GIT2: variants seen among roughly 807,000 people sequenced by gnomAD.
GIT2 encodes GIT ArfGAP 2, also known as ARF GTPase-activating protein GIT2.
GIT2 carries 32 observed loss-of-function variants against 100.3 expected under a neutral mutation model. The ratio of observed to expected loss-of-function variants is 0.32; its 90% confidence interval spans 0.24 to 0.43. The LOEUF is 0.43. Among genes scored for constraint, GIT2 ranks in the 20% least tolerant of loss-of-function variants. GIT2 has a pLI of 1.00. For synonymous variants in GIT2, 353 were observed against 364.1 expected (o/e 0.97, Z 0.35); for missense variants, 737 against 975.1 (o/e 0.76, Z 3.25).
chr12:109,970,528 A>G (rs1480686680), intron 7 of GIT2, among the ~76,000 whole-genome samples: 1 of 152,076 alleles, frequency 6.6e-6, no homozygotes. Flanking sequence ...ACAAAAAACT[A>G]TCCTTCCTCC....
At chr12:109,991,484 A>G (rs760921198) in intron 2 of GIT2, 143 bp downstream of exon 2, 3 of 649,510 alleles carry the variant, frequency 4.6e-6, no homozygotes, top group Non-Finnish European at 5.5e-6. Flanking sequence ...ATTTGTAAAT[A>G]GCATTGATGG....
intron 6 of GIT2, chr12:109,981,916 A>G (rs1418547738): frequency 6.6e-6 from 1 of 152,194 alleles, no homozygotes; most frequent in Non-Finnish European, 1.5e-5. Context: ...TCTCCCCACC[A>G]TTCAAGGCAC....
intron 10 of GIT2, 60 bp downstream of exon 10, chr12:109,961,553 G>C: frequency 8.9e-7 from 1 of 1,129,074 alleles, no homozygotes; most frequent in South Asian, 1.2e-5. Flanking sequence ...CACTGAGCCT[G>C]GCAGCTTTTC....
In GIT2 at chr12:109,961,890, TTA is replaced by T. The variant is rs1435046217; in HGVS notation, c.817-207_817-206del. 3.3e-5 allele frequency among the ~76,000 whole-genome samples: 5 copies of T among 152,280 alleles called. No homozygotes were observed. The East Asian group carries it at 9.6e-4, about 29-fold the overall frequency. On this transcript the variant is annotated intron_variant, in intron 9 of 19. Coordinates refer to ENST00000355312, the MANE Select transcript of GIT2 (RefSeq NM_057169.5). ...TGCCAACCACAGCAATTTCACTACT[TTA>T]TGACACAGACAGAGCTGCTGCTATT...
chr12:109,993,134 A>C (rs558225169), intron 1 of GIT2, among the ~76,000 whole-genome samples: 2 of 152,148 alleles, frequency 1.3e-5, no homozygotes, highest in Non-Finnish European at 2.9e-5. Context: ...AAAGTCATAG[A>C]GCTTCATTAG....
chr12:109,999,868 C>A (rs572232492), upstream of GIT2: 21 of 1,252,308 alleles, frequency 1.7e-5, no homozygotes, highest in South Asian at 2.6e-4. This position sits in a 1 kb window ranked among gnomAD's most constrained non-coding sequence, Gnocchi z 4.3. Context: ...CCATTTCCAG[C>A]CCTCTGTCCC....
chr12:109,959,346 G>A (rs1037339921), intron 12 of GIT2, among the ~76,000 whole-genome samples: 3 of 152,118 alleles, frequency 2.0e-5, no homozygotes, highest in African/African-American at 7.2e-5. Flanking sequence ...GGTATTACAG[G>A]TGTGAGCCAC....
intron 7 of GIT2, among the ~76,000 whole-genome samples, chr12:109,978,087 T>TG (rs1181488905): frequency 7.0e-6 from 1 of 143,108 alleles, no homozygotes; most frequent in Admixed American, 6.8e-5. Flanking sequence ...TTTTTTTTTT[T>TG]TTTTTTTTTT....
At chr12:109,949,734 G>A (rs1877322892) in intron 14 of GIT2, among the ~76,000 whole-genome samples, 1 of 152,196 alleles carries the variant, frequency 6.6e-6, no homozygotes, top group Non-Finnish European at 1.5e-5. Flanking sequence ...TCTCTCTGGT[G>A]ATTTCCAAAA....
intron 9 of GIT2, among the ~76,000 whole-genome samples, chr12:109,961,886 T>G (rs1050134976): frequency 2.6e-5 from 4 of 152,226 alleles, no homozygotes; most frequent in African/African-American, 9.6e-5. Flanking sequence ...GCAATTTCAC[T>G]ACTTTATGAC....
At chr12:109,939,896 A>G (rs1421910275) in intron 16 of GIT2, 3 of 152,306 alleles carry the variant, frequency 2.0e-5, no homozygotes, top group African/African-American at 7.3e-5. Flanking sequence ...CAAACAAACA[A>G]AAAAACATGC....
intron 7 of GIT2, among the ~76,000 whole-genome samples, chr12:109,970,225 G>T (rs1883510464): frequency 6.6e-6 from 1 of 152,112 alleles, no homozygotes; most frequent in African/African-American, 2.4e-5. Flanking sequence ...CGGGTGCAGT[G>T]GCTCATGCCT....
At chr12:109,936,658 A>G (rs1461682404) in intron 18 of GIT2, among the ~76,000 whole-genome samples, 1 of 152,198 alleles carries the variant, frequency 6.6e-6, no homozygotes, top group Non-Finnish European at 1.5e-5. Flanking sequence ...ACTTGAGATC[A>G]GGAGTTCGAG....
intron 18 of GIT2, among the ~76,000 whole-genome samples, chr12:109,935,140 T>C (rs556318159): frequency 6.6e-5 from 10 of 152,156 alleles, no homozygotes; most frequent in South Asian, 2.1e-4. Context: ...AAATGGTTTA[T>C]AGTATCCAAA....
chr12:109,944,606 C>G (rs1875762652), intron 16 of GIT2, among the ~76,000 whole-genome samples: 1 of 152,168 alleles, frequency 6.6e-6, no homozygotes, highest in South Asian at 2.1e-4. Flanking sequence ...CCTGACTACT[C>G]TAAAAGAGGC....
At chr12:109,945,192 C>T in intron 16 of GIT2, 68 bp downstream of exon 16, 1 of 774,746 alleles carries the variant, frequency 1.3e-6, no homozygotes, top group Non-Finnish European at 2.3e-6. Context: ...AGGGCCAGAG[C>T]CCAAGCACAA....
At chr12:109,946,993 T>G (rs1230270278) in intron 15 of GIT2, among the ~76,000 whole-genome samples, 1 of 152,066 alleles carries the variant, frequency 6.6e-6, no homozygotes, top group Non-Finnish European at 1.5e-5. Context: ...TGAGAAATAA[T>G]CATGGATGTG....
At chr12:109,945,212 G>A (rs370526736) in intron 16 of GIT2, 48 bp downstream of exon 16, 7 of 927,262 alleles carry the variant, frequency 7.5e-6, no homozygotes, top group African/African-American at 1.6e-5. Flanking sequence ...AAGCGCCCAG[G>A]AGCACGGCCC....
intron 7 of GIT2, among the ~76,000 whole-genome samples, chr12:109,973,315 AT>A (rs1199487710): frequency 6.6e-6 from 1 of 151,258 alleles, no homozygotes; most frequent in Admixed American, 6.6e-5. Context: ...TAATTTTTGT[AT>A]TTTTAGTAGA....
Sources: gnomAD v4.1 joint callset for allele counts (sites outside exome capture counted in the v4.1 genomes callset) on GRCh38, gnomAD v4.1.1 for gene constraint, Gnocchi (gnomAD v3.1) non-coding constraint, MANE v1.5 for transcripts, NCBI Gene and HGNC (gene_info 2026-07-23, HGNC 2026-07-21) for gene names.